Variants in RBKS observed in about 807,000 individuals in gnomAD.
RBKS encodes the protein ribokinase.
In RBKS, 33 loss-of-function variants were observed where a neutral mutation model predicts 33.9. The ratio of observed to expected loss-of-function variants is 0.97; its 90% confidence interval spans 0.74 to 1.30. RBKS has a LOEUF of 1.30. Ranked by LOEUF, RBKS falls within the 50% of genes most tolerant of loss-of-function variation. The pLI, the probability that RBKS is intolerant of heterozygous loss-of-function variation, is 0.00. For synonymous variants in RBKS, 125 were observed against 143.0 expected, an observed-to-expected ratio of 0.87 and a Z score of 0.90; for missense variants, 361 against 392.6, an observed-to-expected ratio of 0.92 and a Z score of 0.68.
intron 7 of RBKS, among the ~76,000 whole-genome samples, chr2:27,806,136 G>C (rs1392241142): frequency 6.6e-6 from 1 of 151,962 alleles, no homozygotes; most frequent in Admixed American, 6.6e-5. Flanking sequence ...CGCCCGCCTC[G>C]GCCTCCCAAA....
intron 7 of RBKS, among the ~76,000 whole-genome samples, chr2:27,815,919 A>C (rs1678083715): frequency 6.6e-6 from 1 of 152,174 alleles, no homozygotes; most frequent in Non-Finnish European, 1.5e-5. Context: ...TGTACTGTAC[A>C]TCCACTTCCA....
chr2:27,863,158 G>A (rs1664023554), intron 1 of RBKS, among the ~76,000 whole-genome samples: 1 of 152,192 alleles, frequency 6.6e-6, no homozygotes, highest in African/African-American at 2.4e-5. Flanking sequence ...AACCTGAACA[G>A]AGAAAACCAT....
intron 7 of RBKS, among the ~76,000 whole-genome samples, chr2:27,789,973 G>GTA (rs1285630907): frequency 5.5e-4 from 47 of 85,246 alleles, no homozygotes; most frequent in East Asian, 1.1e-3. Flanking sequence ...ATATATATAT[G>GTA]TATATATATA....
intron 2 of RBKS, among the ~76,000 whole-genome samples, chr2:27,855,176 T>C (rs1334680440): frequency 3.3e-5 from 5 of 152,182 alleles, no homozygotes; most frequent in Non-Finnish European, 5.9e-5. Flanking sequence ...ATCACCTCTG[T>C]CACAAAACTT....
chr2:27,857,112 T>C (rs538528429), intron 2 of RBKS, among the ~76,000 whole-genome samples: 1 of 152,350 alleles, frequency 6.6e-6, no homozygotes, highest in Non-Finnish European at 1.5e-5. Flanking sequence ...GATAATTGTA[T>C]AGTTTATACA....
chr2:27,846,309 A>G (rs888605272), intron 4 of RBKS, among the ~76,000 whole-genome samples: 1 of 152,060 alleles, frequency 6.6e-6, no homozygotes, highest in African/African-American at 2.4e-5. Context: ...TCACTCATGC[A>G]TTTATTTATT....
At chr2:27,796,190 C>G (rs570029942) in intron 7 of RBKS, among the ~76,000 whole-genome samples, 4 of 152,158 alleles carry the variant, frequency 2.6e-5, no homozygotes, top group Non-Finnish European at 5.9e-5. Flanking sequence ...TGTTGATTCA[C>G]ATCTTCGGTA....
intron 7 of RBKS, among the ~76,000 whole-genome samples, chr2:27,800,049 C>CTTT (rs35932747): frequency 5.3e-5 from 6 of 112,360 alleles, no homozygotes; most frequent in Non-Finnish European, 8.9e-5. Context: ...TGTTAGGTGT[C>CTTT]TTTTTTTTTT....
chr2:27,836,603 T>A (rs904045616), intron 5 of RBKS, among the ~76,000 whole-genome samples: 1 of 152,198 alleles, frequency 6.6e-6, no homozygotes. Flanking sequence ...AATTTTTGGC[T>A]AAGTCCCCCA....
intron 1 of RBKS, among the ~76,000 whole-genome samples, chr2:27,872,358 T>A (rs752593652): frequency 6.6e-6 from 1 of 152,032 alleles, no homozygotes; most frequent in Non-Finnish European, 1.5e-5. Context: ...TAAAAAAAAT[T>A]AATAAATAAA....
intron 1 of RBKS, among the ~76,000 whole-genome samples, chr2:27,878,909 T>C (rs1664368911): frequency 6.6e-6 from 1 of 152,204 alleles, no homozygotes; most frequent in Admixed American, 6.5e-5. Context: ...CTTTGAGCCC[T>C]TCACTGGTTT....
At chr2:27,876,312 A>G (rs543420864) in intron 1 of RBKS, among the ~76,000 whole-genome samples, 102 of 152,308 alleles carry the variant, frequency 6.7e-4, no homozygotes, top group African/African-American at 2.4e-3. Context: ...AAAGGAAGAA[A>G]ATTCTGAAAC....
chr2:27,883,032 A>C (rs567954714), intron 1 of RBKS, among the ~76,000 whole-genome samples: 1 of 152,296 alleles, frequency 6.6e-6, no homozygotes, highest in East Asian at 1.9e-4. Context: ...GGGTACAACA[A>C]ACCCGTGTGA....
In RBKS at chr2:27,801,505, AC is replaced by A. The variant is rs1160258624; in HGVS notation, c.796-19718del. Among the ~76,000 whole-genome samples the A allele has an allele frequency of 7.3e-5, 11 of 150,576 alleles. No homozygotes were observed. In the East Asian group the frequency reaches 1.7e-3, roughly 24 times the overall value. On this transcript the variant is annotated intron_variant, in intron 7 of 7. Transcript: ENST00000302188. ...CACACACACACACACACACACACAC[AC>A]AAGCGGTCCCAACTTATGATGGTTC...
intron 7 of RBKS, among the ~76,000 whole-genome samples, chr2:27,825,217 C>T (rs1678287667): frequency 6.6e-6 from 1 of 152,136 alleles, no homozygotes; most frequent in Admixed American, 6.5e-5. Context: ...TCTTATGTCC[C>T]CCCATGTGCA....
At chr2:27,808,741 G>A (rs991434861) in intron 7 of RBKS, among the ~76,000 whole-genome samples, 2 of 152,348 alleles carry the variant, frequency 1.3e-5, no homozygotes, top group Admixed American at 1.3e-4. Flanking sequence ...TGACGAAGGT[G>A]TTTTGAGATA....
intron 2 of RBKS, among the ~76,000 whole-genome samples, chr2:27,856,820 C>T (rs1342300977): frequency 1.3e-5 from 2 of 152,128 alleles, no homozygotes; most frequent in Non-Finnish European, 1.5e-5. Context: ...AAGTCAGCAC[C>T]ATCTGATTAC....
intron 6 of RBKS, among the ~76,000 whole-genome samples, chr2:27,828,674 A>G (rs1159988276): frequency 2.0e-5 from 3 of 152,012 alleles, no homozygotes; most frequent in Non-Finnish European, 2.9e-5. Context: ...TTTTCTCCCA[A>G]TTTCTCTTTC....
At chr2:27,873,922 TATACAAACAGAGATA>T (rs1247700198) in intron 1 of RBKS, among the ~76,000 whole-genome samples, 3 of 151,912 alleles carry the variant, frequency 2.0e-5, no homozygotes, top group African/African-American at 7.3e-5. Context: ...ACATCAACCA[TATACAAACAGAGATA>T]ATTTATAGCA....
Sources: gnomAD v4.1 joint callset for allele counts (sites outside exome capture counted in the v4.1 genomes callset) on GRCh38, gnomAD v4.1.1 for gene constraint, MANE v1.5 for transcripts, NCBI Gene and HGNC (gene_info 2026-07-23, HGNC 2026-07-21) for gene names.